The following TUBA3C variants were observed in gnomAD, a reference collection of about 807,000 sequenced individuals.
TUBA3C encodes the protein tubulin alpha-3C chain.
TUBA3C carries 23 observed loss-of-function variants against 33.4 expected under a neutral mutation model. That is an observed-to-expected ratio of 0.69 (90% CI 0.50 to 0.98). The LOEUF (loss-of-function observed/expected upper bound fraction) is 0.98. Among genes scored for constraint, TUBA3C ranks in the 50% least tolerant of loss-of-function variants. The probability of loss-of-function intolerance (pLI) is 0.00; values close to 1 mark genes in which losing one functional copy is unlikely to be tolerated. For missense variants in TUBA3C, 402 were observed against 616.0 expected, an observed-to-expected ratio of 0.65 and a Z score of 3.68; for synonymous variants, 269 against 250.4, an observed-to-expected ratio of 1.07 and a Z score of -0.70.
chr13:19,181,044 ATGCGTTGGT>A (rs1236893375), intron 1 of TUBA3C, among the ~76,000 whole-genome samples: 2 of 149,976 alleles, frequency 1.3e-5, no homozygotes, highest in Non-Finnish European at 3.0e-5. Flanking sequence ...CTTTATGTGA[ATGCGTTGGT>A]TGCTTTTTTT....
chr13:19,175,084 T>TA (rs1247796633), intron 4 of TUBA3C, among the ~76,000 whole-genome samples: 1 of 151,942 alleles, frequency 6.6e-6, no homozygotes, highest in East Asian at 1.9e-4. Flanking sequence ...CGGTCTCTAC[T>TA]AAAAATACAA....
chr13:19,173,895 C>T lies in TUBA3C; in HGVS notation c.1321G>A (p.Glu441Lys), dbSNP rs1390210163. The T allele has an allele frequency of 1.2e-6, 2 of 1,613,754 alleles. No homozygotes were observed. Among genetic ancestry groups the T allele is most frequent in the Non-Finnish European group, 1.7e-6 (2 of 1,179,664 alleles). Reference protein sequence around the residue: ...DYEEVGVDSVEAEAEEGEEY With the variant: ...DYEEVGVDSVKAEAEEGEEY The stretch of plus-strand genomic sequence containing the variant: ...TCTTCACCTTCTTCAGCCTCGGCTT[C>T]CACGGAATCCACGCCCACCTCTTCA... Residue 441 changes from glutamate (E) to lysine (K), a missense_variant, in exon 5 of 5, where the codon GAA becomes AAA. Coordinates refer to ENST00000400113, the MANE Select transcript of TUBA3C (RefSeq NM_006001.3).
rs776198503 is a variant in TUBA3C, at chr13:19,181,623, T to C, written c.3+122A>G. 4.9e-6 allele frequency: 7 copies of C among 1,439,984 alleles called. No individual in the cohort carries two copies. The African/African-American group carries it at 8.4e-5, about 17-fold the overall frequency. The allele number at this position is 1,439,984 out of a possible 1,614,324, so 89.2% of individuals were successfully genotyped here. A position where few individuals can be genotyped will look rare whatever the true frequency, so the allele number is the denominator to read the frequency against. Reference sequence around the variant, plus strand: ...TGTCCCGCCCTGGGCCCCGCATCCTTCTCTGACCTCCTTTCTGCACCCTGG... The same window carrying C: ...TGTCCCGCCCTGGGCCCCGCATCCTCCTCTGACCTCCTTTCTGCACCCTGG... On this transcript the variant is annotated intron_variant, in intron 1 of 4. Transcript: ENST00000400113.
At chr13:19,176,801 G>T in intron 4 of TUBA3C, 126 bp downstream of exon 4, 2 of 753,920 alleles carry the variant, frequency 2.7e-6, no homozygotes, top group Non-Finnish European at 3.7e-6. Flanking sequence ...ACTAATTGAT[G>T]CCCACATGCC....
In TUBA3C at chr13:19,176,973, G is replaced by A; in HGVS notation, c.1010C>T (p.Thr337Ile). The A allele has an allele frequency of 6.2e-7, 1 of 1,614,028 alleles. No homozygotes were observed. The highest frequency in any genetic ancestry group is 8.5e-7 in the Non-Finnish European group (1 of 1,180,010). ...DVNAAIATIK[T>I]KRTIQFVDWC... ...ATCTACAAACTGGATGGTGCGCTTG[G>A]TCTTGATGGTGGCGATGGCCGCGTT... Residue 337 changes from threonine (T) to isoleucine (I), a missense_variant, in exon 4 of 5, where the codon ACC becomes ATC. By Grantham distance (89) the Thr-to-Ile change is moderately conservative (BLOSUM62 -1). Transcript: ENST00000400113.
At position 19,177,752 on chromosome 13, in the gene TUBA3C, G is replaced by A; in HGVS notation, c.376-145C>T. 9.0e-7 allele frequency: 1 copy of A among 1,114,508 alleles called. No homozygotes were observed. Among genetic ancestry groups the A allele is most frequent in the African/African-American group, 1.6e-5 (1 of 62,794 alleles). The allele number at this position is 1,114,508 out of a possible 1,614,324, so 69.0% of individuals were successfully genotyped here. A position where few individuals can be genotyped will look rare whatever the true frequency, so the allele number is the denominator to read the frequency against. ...AACACGCAGTACACTCTGAAGCAAA[G>A]AAAAGCAGACAAAGATCTACAGACA... is the stretch of plus-strand genomic sequence containing the variant. On this transcript the variant is annotated intron_variant, in intron 3 of 4. Transcript: ENST00000400113. The surrounding 1 kb of genome is among the most constrained non-coding windows in gnomAD (Gnocchi z 5.0).
At position 19,173,908 on chromosome 13, in the gene TUBA3C, G is replaced by A. The variant is rs148222023; in HGVS notation, c.1308C>T (p.Gly436=). ...CAGCCTCGGCTTCCACGGAATCCAC[G>A]CCCACCTCTTCATAATCCTTCTCCA... is the stretch of plus-strand genomic sequence containing the variant. ...AALEKDYEEV[G]VDSVEAEAEE... Residue 436 remains glycine, a synonymous_variant, in exon 5 of 5, where the codon GGC becomes GGT. Transcript: ENST00000400113. 562 of 1,613,840 alleles carry A rather than the reference G, an allele frequency of 3.5e-4. 1 individual carries two copies. The highest frequency in any genetic ancestry group is 1.3e-3 in the Middle Eastern group (8 of 6,062).
At chr13:19,179,263 A>T in intron 2 of TUBA3C, 78 bp downstream of exon 2, 1 of 1,580,626 alleles carries the variant, frequency 6.3e-7, no homozygotes, top group Non-Finnish European at 8.6e-7. Context: ...GAGGATTCAA[A>T]GGAGCCCACA....
chr13:19,179,227 G>A, intron 2 of TUBA3C, 114 bp downstream of exon 2: 2 of 1,471,010 alleles, frequency 1.4e-6, no homozygotes, highest in Non-Finnish European at 1.8e-6. Flanking sequence ...ATGGGAATAT[G>A]CTTGTCTATC....
At position 19,178,303 on chromosome 13, in the gene TUBA3C, G is replaced by A. The variant is rs1188398380; in HGVS notation, c.318C>T (p.Gly106=). ...KEDAANNYAR[G]HYTIGKEIVD... ...CGATCTCCTTGCCGATGGTGTAATG[G>A]CCTCTGGCGTAATTATTGGCCGCAT... The change falls in exon 3 of 5, where the codon GGC becomes GGT. Residue 106 remains glycine (G), a synonymous_variant. Transcript: ENST00000400113. The A allele has an allele frequency of 6.2e-6, 10 of 1,614,208 alleles. No individual in the cohort carries two copies. Among genetic ancestry groups the A allele is most frequent in the Non-Finnish European group, 8.5e-6 (10 of 1,180,046 alleles).
chr13:19,179,250 C>G (rs986706881), intron 2 of TUBA3C, 91 bp downstream of exon 2: 3 of 1,554,366 alleles, frequency 1.9e-6, no homozygotes, highest in Non-Finnish European at 2.6e-6. Context: ...ATACCTTCTG[C>G]AGGAGGATTC....
In TUBA3C at chr13:19,177,195, G is replaced by A. The variant is rs772997889; in HGVS notation, c.788C>T (p.Pro263Leu). Residue 263 changes from proline to leucine, a missense_variant, in exon 4 of 5, where the codon CCC (proline) becomes CTC (leucine). Transcript: ENST00000400113. The surrounding 1 kb of genome is among the most constrained non-coding windows in gnomAD (Gnocchi z 5.0). ...GGTGGCCAGGGGGAAGTGGATGCGG[G>A]GGTACGGCACTAGGTTGGTCTGGAA... ...TEFQTNLVPYPRIHFPLATYA... is the reference protein window; with the variant it reads ...TEFQTNLVPYLRIHFPLATYA... The A allele has an allele frequency of 5.6e-6, 9 of 1,613,994 alleles. No individual in the cohort carries two copies. The highest frequency in any genetic ancestry group is 8.5e-7 in the Non-Finnish European group (1 of 1,180,034).
intron 4 of TUBA3C, among the ~76,000 whole-genome samples, chr13:19,176,070 T>C (rs561543192): frequency 4.6e-5 from 7 of 152,260 alleles, no homozygotes; most frequent in Admixed American, 3.9e-4. Flanking sequence ...TGGAGAGCTG[T>C]GATCACCACA....
intron 1 of TUBA3C, among the ~76,000 whole-genome samples, chr13:19,181,484 G>C (rs573898773): frequency 2.6e-5 from 4 of 152,162 alleles, no homozygotes; most frequent in Non-Finnish European, 5.9e-5. Context: ...CTGGGGGACA[G>C]GACACGGTCA....
At chr13:19,174,201 A>C in intron 4 of TUBA3C, 42 bp from the exon 5 acceptor site, 10 of 1,560,674 alleles carry the variant, frequency 6.4e-6, no homozygotes, top group Non-Finnish European at 8.7e-6. Flanking sequence ...AGCTTATATC[A>C]AACCTGGAAA....
intron 3 of TUBA3C, 132 bp downstream of exon 3, chr13:19,178,114 G>C: frequency 7.1e-7 from 1 of 1,410,312 alleles, no homozygotes; most frequent in Non-Finnish European, 9.7e-7. Context: ...CCAAAGTGTT[G>C]GGATTACAGG....
Position 19,179,420 on chromosome 13 carries a change from G to A in TUBA3C, c.147C>T (p.Phe49=), listed in dbSNP as rs775441501. 14 of 1,613,926 alleles carry A rather than the reference G, an allele frequency of 8.7e-6. No individual in the cohort carries two copies. Among genetic ancestry groups the A allele is most frequent in the Admixed American group, 1.7e-5 (1 of 60,000 alleles). Reference sequence around the variant, plus strand: ...CTCCAGTCTCACTGAAGAACGTGTTGAAGGAGTCGTCCCCACCACCAATGG... The same window carrying A: ...CTCCAGTCTCACTGAAGAACGTGTTAAAGGAGTCGTCCCCACCACCAATGG... ...DKTIGGGDDS[F]NTFFSETGAG... Residue 49 remains phenylalanine, a synonymous_variant, in exon 2 of 5, where the codon TTC becomes TTT. Coordinates refer to ENST00000400113, the MANE Select transcript of TUBA3C (RefSeq NM_006001.3).
chr13:19,181,796 C>G lies in TUBA3C; in HGVS notation c.-49G>C. 1 of 1,598,292 alleles carries G rather than the reference C, an allele frequency of 6.3e-7. No homozygotes were observed. The highest frequency in any genetic ancestry group is 1.1e-5 in the South Asian group (1 of 90,716). ...CCCAACGCTACTACTTGACCTCAAC[C>G]GCCGCTGCAGCTGCGCACGCCCAAC... On this transcript the variant is annotated 5_prime_UTR_variant, in exon 1 of 5. Transcript: ENST00000400113.
intron 1 of TUBA3C, among the ~76,000 whole-genome samples, chr13:19,181,082 T>C (rs2138959946): frequency 6.6e-6 from 1 of 151,076 alleles, no homozygotes; most frequent in East Asian, 2.0e-4. Flanking sequence ...AGGCAGGGTC[T>C]CTCTCTGTCG....
Sources: allele counts gnomAD v4.1 joint callset (sites outside exome capture counted in the v4.1 genomes callset), GRCh38; gene constraint gnomAD v4.1.1; non-coding constraint Gnocchi (gnomAD v3.1); transcripts MANE v1.5; gene names NCBI Gene and HGNC (gene_info 2026-07-23, HGNC 2026-07-21).